The following MYOM1 variants were observed in gnomAD, a reference collection of about 807,000 sequenced individuals.
The protein encoded by MYOM1 is myomesin 1.
A neutral mutation model predicts 205.3 loss-of-function variants in MYOM1; 164 were observed. The observed-to-expected ratio is 0.80, with a 90% CI of 0.70 to 0.91. The LOEUF is 0.91. MYOM1 is among the 40% of genes least tolerant of loss of function. MYOM1 has a pLI of 0.00. For missense variants in MYOM1, 2,011 were observed against 2,127.3 expected, an observed-to-expected ratio of 0.95 and a Z score of 1.08; for synonymous variants, 772 against 789.4, an observed-to-expected ratio of 0.98 and a Z score of 0.37.
At chr18:3,097,382 G>A (rs1021844193) in intron 25 of MYOM1, among the ~76,000 whole-genome samples, 3 of 128,264 alleles carry the variant, frequency 2.3e-5, no homozygotes, top group Non-Finnish European at 3.4e-5. Context: ...CCTTGGGTTG[G>A]GGGCTCTGAT....
At chr18:3,224,563 CTAT>C (rs2144288868), upstream of MYOM1, among the ~76,000 whole-genome samples, 1 of 152,316 alleles carries the variant, frequency 6.6e-6, no homozygotes, top group South Asian at 2.1e-4. Context: ...AGATCCTTGC[CTAT>C]TACCCTGTCC....
the MYOM1 span, among the ~76,000 whole-genome samples, chr18:3,231,534 CTTTTTTTTTTT>C: frequency 5.0e-5 from 6 of 120,198 alleles, no homozygotes; most frequent in Non-Finnish European, 1.0e-4. Context: ...AATATGCATC[CTTTTTTTTTTT>C]TTTTTTTTTT....
intron 13 of MYOM1, among the ~76,000 whole-genome samples, chr18:3,147,590 A>G (rs961795673): frequency 6.6e-6 from 1 of 152,212 alleles, no homozygotes; most frequent in African/African-American, 2.4e-5. Flanking sequence ...TAAAATTTAT[A>G]TATGAAAAAA....
chr18:3,198,653 G>A (rs376923169), intron 2 of MYOM1, among the ~76,000 whole-genome samples: 4 of 151,934 alleles, frequency 2.6e-5, no homozygotes, highest in Non-Finnish European at 5.9e-5. Flanking sequence ...GCGTGGTGGC[G>A]GGCGCCTGTA....
In MYOM1 at chr18:3,168,852, T is replaced by C. The variant is rs978595865; in HGVS notation, c.1304A>G (p.Lys435Arg). 88 of 1,613,794 alleles carry C rather than the reference T, an allele frequency of 5.5e-5. No homozygotes were observed. The highest frequency in any genetic ancestry group is 6.9e-5 in the Non-Finnish European group (82 of 1,179,882). Reference protein sequence around the residue: ...GCRVVITPEIKHFQPEIQWYR... With the variant: ...GCRVVITPEIRHFQPEIQWYR... The stretch of plus-strand genomic sequence containing the variant: ...CCACTGGATCTCTGGCTGGAAATGT[T>C]TAATTTCAGGAGTGATGACAACACG... The change falls in exon 9 of 38, where the codon AAA becomes AGA. Residue 435 changes from lysine to arginine, a missense_variant. Transcript: ENST00000356443.
Position 3,153,312 on chromosome 18 carries a change from T to C in MYOM1, c.1644-1419A>G, listed in dbSNP as rs144210724. On this transcript the variant is annotated intron_variant, in intron 11 of 37. Transcript: ENST00000356443. ...ACCCGCGTGATCTTAGGTGAGTTAG[T>C]GCTTCCTCACTGATATGTGGTCTCG... 9.1e-4 allele frequency among the ~76,000 whole-genome samples: 138 copies of C among 152,312 alleles called. 1 individual carries two copies. The South Asian group carries it at 0.014, about 15-fold the overall frequency.
intron 29 of MYOM1, among the ~76,000 whole-genome samples, chr18:3,086,690 C>T (rs1454013841): frequency 1.3e-5 from 2 of 152,172 alleles, no homozygotes; most frequent in Non-Finnish European, 2.9e-5. Context: ...CACTAATCTT[C>T]TCATCATATC....
At chr18:3,089,322 A>G in intron 28 of MYOM1, 81 bp from the exon 29 acceptor site, 1 of 1,125,056 alleles carries the variant, frequency 8.9e-7, no homozygotes, top group Non-Finnish European at 1.3e-6. Flanking sequence ...TCCTAAGGTG[A>G]TTTACATCTG....
Position 3,170,086 on chromosome 18 carries a change from C to T in MYOM1, c.1175-1105G>A, listed in dbSNP as rs139857152. Among the ~76,000 whole-genome samples the T allele has an allele frequency of 7.3e-3, 1,108 of 152,154 alleles. 11 individuals carry two copies. The highest frequency in any genetic ancestry group is 0.014 in the Middle Eastern group (4 of 294). On this transcript the variant is annotated intron_variant, in intron 8 of 37. Coordinates refer to ENST00000356443, the MANE Select transcript of MYOM1 (RefSeq NM_003803.4). ...ATGTGTTCTCACTCAAATGTGAGAGCTAAAAAGAATTGAACCCATGGAGAT... is the reference window on the plus strand; with the variant it reads ...ATGTGTTCTCACTCAAATGTGAGAGTTAAAAAGAATTGAACCCATGGAGAT...
Position 3,131,356 on chromosome 18 carries a change from T to C in MYOM1, c.2506+19A>G. Reference sequence around the variant, plus strand: ...AAAAATCCATTTTTCCCCCATACAGTTATGCATAAGGAACTTACCAATAGC... The same window carrying C: ...AAAAATCCATTTTTCCCCCATACAGCTATGCATAAGGAACTTACCAATAGC... On this transcript the variant is annotated intron_variant, in intron 17 of 37. Coordinates refer to ENST00000356443, the MANE Select transcript of MYOM1 (RefSeq NM_003803.4). 1 of 1,613,220 alleles carries C rather than the reference T, an allele frequency of 6.2e-7. No homozygotes were observed. The highest frequency in any genetic ancestry group is 8.5e-7 in the Non-Finnish European group (1 of 1,179,610).
chr18:3,076,626 T>G (rs2079023398), intron 34 of MYOM1, among the ~76,000 whole-genome samples: 1 of 152,070 alleles, frequency 6.6e-6, no homozygotes, highest in East Asian at 1.9e-4. Context: ...GAAAGGCAAG[T>G]GGGACAAGAA....
Position 3,176,050 on chromosome 18 carries a change from C to T in MYOM1, c.1014G>A (p.Glu338=). 1 of 1,583,610 alleles carries T rather than the reference C, an allele frequency of 6.3e-7. No individual in the cohort carries two copies. The highest frequency in any genetic ancestry group is 8.7e-7 in the Non-Finnish European group (1 of 1,152,360). The change falls in exon 6 of 38, where the codon GAG becomes GAA. Residue 338 remains glutamate, a synonymous_variant. Coordinates refer to ENST00000356443, the MANE Select transcript of MYOM1 (RefSeq NM_003803.4). ...IESRYGMHTL[E]INGCDFEDTA... ...CACTAATGTTCTCTTACCCATTAAT[C>T]TCCAGAGTGTGCATCCCATATCGAC...
intron 2 of MYOM1, among the ~76,000 whole-genome samples, chr18:3,194,459 A>C (rs1432237651): frequency 3.9e-5 from 6 of 152,178 alleles, no homozygotes; most frequent in Non-Finnish European, 8.8e-5. Context: ...GGGCTTATTA[A>C]ATGATAGAGT....
At chr18:3,227,484 C>T in the MYOM1 span, among the ~76,000 whole-genome samples, 1 of 152,008 alleles carries the variant, frequency 6.6e-6, no homozygotes, top group Non-Finnish European at 1.5e-5. Context: ...AGGAGTATAG[C>T]TTAATGGGTA....
chr18:3,213,852 G>A (rs1011352675), intron 2 of MYOM1, among the ~76,000 whole-genome samples: 4 of 152,144 alleles, frequency 2.6e-5, no homozygotes, highest in African/African-American at 9.7e-5. Context: ...CCAGATAAGG[G>A]GCTTGGGGAT....
In MYOM1 at chr18:3,135,670, G is replaced by A. The variant is rs757565820; in HGVS notation, c.2086C>T (p.Arg696Cys). Residue 696 changes from arginine to cysteine, a missense_variant, in exon 15 of 38, where the codon CGC becomes TGC. Physicochemically the swap from Arg to Cys is radical, Grantham distance 180 (BLOSUM62 -3). Coordinates refer to ENST00000356443, the MANE Select transcript of MYOM1 (RefSeq NM_003803.4). This position sits in a 1 kb window ranked among gnomAD's most constrained non-coding sequence, Gnocchi z 4.1. ...VNTELPVKSPRFALFDLAEGK... is the reference protein window; with the variant it reads ...VNTELPVKSPCFALFDLAEGK... ...TCGGCCAAGTCAAACAGAGCAAAGC[G>A]GGGAGACTTCACAGGGAGCTCCGTG... The A allele has an allele frequency of 9.3e-6, 15 of 1,613,898 alleles. No individual in the cohort carries two copies. Among genetic ancestry groups the A allele is most frequent in the South Asian group, 5.5e-5 (5 of 91,072 alleles).
chr18:3,151,629 A>G, intron 12 of MYOM1, 65 bp downstream of exon 12: 1 of 1,426,050 alleles, frequency 7.0e-7, no homozygotes. Flanking sequence ...CCTTGCAATG[A>G]AGCTGATTCT....
rs368529890 is a variant in MYOM1 at position 3,131,452 on chromosome 18, C to G, written c.2429G>C (p.Arg810Pro). Residue 810 changes from arginine to proline, a missense_variant, in exon 17 of 38, where the codon CGG (arginine) becomes CCG (proline). Arg to Pro is a moderately radical substitution (Grantham distance 103). Transcript: ENST00000356443. ...GLVTGQSYIFRVRAVNAAGLS... is the reference protein window; with the variant it reads ...GLVTGQSYIFPVRAVNAAGLS... ...TCCAGCTGCATTGACTGCTCTGACC[C>G]GGAAAATATAACTCTGACCAGTCAC... 6 of 1,613,592 alleles carry G rather than the reference C, an allele frequency of 3.7e-6. No individual in the cohort carries two copies. The highest frequency in any genetic ancestry group is 5.1e-6 in the Non-Finnish European group (6 of 1,179,738).
intron 25 of MYOM1, 96 bp from the exon 26 acceptor site, chr18:3,094,402 A>G (rs1598663823): frequency 2.5e-6 from 3 of 1,198,962 alleles, no homozygotes; most frequent in East Asian, 5.1e-5. Context: ...AAACCACACA[A>G]TGGAAATGAC....
Sources: allele counts gnomAD v4.1 joint callset (sites outside exome capture counted in the v4.1 genomes callset), GRCh38; gene constraint gnomAD v4.1.1; non-coding constraint Gnocchi (gnomAD v3.1); transcripts MANE v1.5; gene names NCBI Gene and HGNC (gene_info 2026-07-23, HGNC 2026-07-21).